PTPRD: variants seen among roughly 807,000 people sequenced by gnomAD.
PTPRD encodes receptor-type tyrosine-protein phosphatase delta.
A neutral mutation model predicts 214.5 loss-of-function variants in PTPRD; 34 were observed. The ratio of observed to expected loss-of-function variants is 0.16; its 90% CI spans 0.12 to 0.21. The LOEUF is 0.21. Among genes scored for constraint, PTPRD ranks in the 10% least tolerant of loss-of-function variants. The pLI is 1.00. For missense variants in PTPRD, 2,545 were observed against 2,398.7 expected, an observed-to-expected ratio of 1.06 and a Z score of -1.27; for synonymous variants, 1,128 against 845.7, an observed-to-expected ratio of 1.33 and a Z score of -5.79.
At chr9:8,701,885 T>C (rs1427029441) in intron 12 of PTPRD, among the ~76,000 whole-genome samples, 4 of 152,218 alleles carry the variant, frequency 2.6e-5, no homozygotes, top group Non-Finnish European at 4.4e-5. Context: ...TACTTTATTG[T>C]AATCTTTATT....
At chr9:9,816,881 A>T (rs887212170) in intron 5 of PTPRD, among the ~76,000 whole-genome samples, 1 of 52,380 alleles carries the variant, frequency 1.9e-5, no homozygotes, top group African/African-American at 2.9e-4. Context: ...AGGTGAGAAC[A>T]AAAATCACAA....
Position 8,526,619 on chromosome 9 carries a change from A to G in PTPRD, c.568+8T>C, listed in dbSNP as rs775098888. 3 of 1,580,390 alleles carry G rather than the reference A, an allele frequency of 1.9e-6. No homozygotes were observed. In the African/African-American group the frequency reaches 4.1e-5, roughly 21 times the overall value. On this transcript the variant is annotated splice_region_variant and intron_variant, in intron 17 of 45. Transcript: ENST00000381196. ...ATCATTCTGTGAACGTTAGTTCAGC[A>G]CTCTTACCTCTTATTGGTGTACCAC...
chr9:8,677,212 A>G (rs2097441618), intron 12 of PTPRD, among the ~76,000 whole-genome samples: 1 of 152,218 alleles, frequency 6.6e-6, no homozygotes, highest in Non-Finnish European at 1.5e-5. Flanking sequence ...GTAAGGATGC[A>G]TGCACACATA....
intron 2 of PTPRD, among the ~76,000 whole-genome samples, chr9:10,428,815 G>A (rs1490435192): frequency 1.3e-5 from 2 of 151,990 alleles, no homozygotes; most frequent in African/African-American, 2.4e-5. Flanking sequence ...GTGGAGCTTT[G>A]GTAATTGTAT....
intron 2 of PTPRD, among the ~76,000 whole-genome samples, chr9:10,543,960 A>G: frequency 6.6e-6 from 1 of 152,196 alleles, no homozygotes; most frequent in Non-Finnish European, 1.5e-5. Flanking sequence ...GGCAGCAATA[A>G]TATAGAAAAG....
chr9:8,969,132 T>C (rs1361020185), intron 11 of PTPRD, among the ~76,000 whole-genome samples: 1 of 152,070 alleles, frequency 6.6e-6, no homozygotes, highest in Non-Finnish European at 1.5e-5. Flanking sequence ...TATAATGAAA[T>C]GATGCCCAAA....
At chr9:8,544,978 G>A (rs935263565) in intron 14 of PTPRD, among the ~76,000 whole-genome samples, 1 of 141,966 alleles carries the variant, frequency 7.0e-6, no homozygotes, top group African/African-American at 2.6e-5. Flanking sequence ...CCTAAAACAT[G>A]ATGACCAGGG....
At chr9:9,400,869 C>T (rs1254688628) in intron 8 of PTPRD, among the ~76,000 whole-genome samples, 1 of 151,990 alleles carries the variant, frequency 6.6e-6, no homozygotes, top group Non-Finnish European at 1.5e-5. Context: ...ATTCAAATAA[C>T]CTTTAGAATT....
intron 4 of PTPRD, among the ~76,000 whole-genome samples, chr9:10,018,785 G>A (rs2096781851): frequency 1.3e-5 from 2 of 151,528 alleles, no homozygotes; most frequent in South Asian, 2.1e-4. Flanking sequence ...TCCTGACCTC[G>A]TGATCCGCCC....
rs148315368 is a variant in PTPRD, at chr9:9,331,436, C to A, written c.-203+66013G>T. ...TATGCATAGAGAGACATTGGATTAT[C>A]TGCGCATCTAATCCTATCAATTGAA... On this transcript the variant is annotated intron_variant, in intron 9 of 45. Coordinates refer to ENST00000381196, the MANE Select transcript of PTPRD (RefSeq NM_002839.4). Among the ~76,000 whole-genome samples, 880 of 152,142 alleles carry A rather than the reference C, an allele frequency of 5.8e-3. 7 individuals are homozygous for A. The highest frequency in any genetic ancestry group is 0.021 in the African/African-American group (858 of 41,546).
intron 10 of PTPRD, among the ~76,000 whole-genome samples, chr9:9,121,276 A>G (rs1003737423): frequency 3.9e-5 from 6 of 152,188 alleles, no homozygotes; most frequent in African/African-American, 1.4e-4. Context: ...GATTCCTTGA[A>G]GAACTAAAAG....
At chr9:9,662,341 A>T (rs995999600) in intron 7 of PTPRD, among the ~76,000 whole-genome samples, 1 of 151,702 alleles carries the variant, frequency 6.6e-6, no homozygotes, top group Non-Finnish European at 1.5e-5. Context: ...GTTAACTTGG[A>T]AAACTGCACT....
chr9:9,264,409 T>C (rs1053454851), intron 9 of PTPRD, among the ~76,000 whole-genome samples: 5 of 151,500 alleles, frequency 3.3e-5, no homozygotes, highest in Admixed American at 2.6e-4. Flanking sequence ...ATAGAGAGTG[T>C]CAAAGGCATA....
intron 7 of PTPRD, among the ~76,000 whole-genome samples, chr9:9,576,644 G>T (rs2088926098): frequency 6.6e-6 from 1 of 152,102 alleles, no homozygotes; most frequent in African/African-American, 2.4e-5. Flanking sequence ...ATGTTAAAAG[G>T]TTGAGTATTA....
intron 7 of PTPRD, among the ~76,000 whole-genome samples, chr9:9,666,596 C>T (rs1032357342): frequency 6.6e-6 from 1 of 151,816 alleles, no homozygotes; most frequent in African/African-American, 2.4e-5. Context: ...AAGTCATTGA[C>T]CTCATATTTA....
At chr9:9,366,391 C>T (rs1315193935) in intron 9 of PTPRD, among the ~76,000 whole-genome samples, 3 of 151,382 alleles carry the variant, frequency 2.0e-5, no homozygotes, top group East Asian at 1.9e-4. Context: ...GAGAGTAGGT[C>T]ACCTGTGGAC....
intron 11 of PTPRD, among the ~76,000 whole-genome samples, chr9:8,856,894 G>C (rs1418930097): frequency 1.3e-5 from 2 of 152,186 alleles, no homozygotes; most frequent in Non-Finnish European, 2.9e-5. Context: ...AGCAATGCAA[G>C]TTTTCTACAC....
At chr9:8,504,232 G>A (rs779666813) in intron 23 of PTPRD, 29 bp downstream of exon 23, 1 of 1,612,800 alleles carries the variant, frequency 6.2e-7, no homozygotes. Flanking sequence ...AAATAAAAAG[G>A]CAGAAAGTAA....
rs2099795337 is a variant in PTPRD at position 9,104,224 on chromosome 9, A to G, written c.-143+79080T>C. On this transcript the variant is annotated intron_variant, in intron 10 of 45. Coordinates refer to ENST00000381196, the MANE Select transcript of PTPRD (RefSeq NM_002839.4). ...AAAGCATTCAGACAATAGTAATCAC[A>G]TAAGTGTGGCTGTGTTCCAATAAAA... is the stretch of plus-strand genomic sequence containing the variant. 2.6e-5 allele frequency among the ~76,000 whole-genome samples: 4 copies of G among 152,312 alleles called. No individual in the cohort carries two copies. In the South Asian group the frequency reaches 6.2e-4, roughly 24 times the overall value.
Sources: gnomAD v4.1 joint callset for allele counts (sites outside exome capture counted in the v4.1 genomes callset) on GRCh38, gnomAD v4.1.1 for gene constraint, MANE v1.5 for transcripts, NCBI Gene and HGNC (gene_info 2026-07-23, HGNC 2026-07-21) for gene names.